The following TNNI3K variants were observed in gnomAD, a reference collection of about 807,000 sequenced individuals.
TNNI3K encodes serine/threonine-protein kinase TNNI3K.
Under a neutral mutation model 114.5 loss-of-function variants are expected in TNNI3K, and 140 were observed. The observed-to-expected ratio is 1.22, with a 90% CI of 1.07 to 1.41. TNNI3K has a LOEUF of 1.41. Ranked by LOEUF, TNNI3K falls within the 40% of genes most tolerant of loss-of-function variation. The pLI, the probability that TNNI3K is intolerant of heterozygous loss-of-function variation, is 0.00. For missense variants in TNNI3K, 1,125 were observed against 1,007.6 expected, an observed-to-expected ratio of 1.12 and a Z score of -1.58; for synonymous variants, 347 against 347.5, an observed-to-expected ratio of 1.00 and a Z score of 0.02.
chr1:74,331,099 AGGCAGAAG>A (rs1660175792), intron 5 of TNNI3K, among the ~76,000 whole-genome samples: 1 of 152,140 alleles, frequency 6.6e-6, no homozygotes, highest in African/African-American at 2.4e-5. Context: ...TGAATATATG[AGGCAGAAG>A]GACATTTCTG....
intron 9 of TNNI3K, among the ~76,000 whole-genome samples, chr1:74,345,073 A>G (rs985285136): frequency 6.6e-6 from 1 of 152,104 alleles, no homozygotes; most frequent in Non-Finnish European, 1.5e-5. Flanking sequence ...ATATGTGTGT[A>G]CACATGCACA....
At chr1:74,296,578 T>C (rs920002965) in intron 5 of TNNI3K, among the ~76,000 whole-genome samples, 9 of 152,172 alleles carry the variant, frequency 5.9e-5, no homozygotes, top group Non-Finnish European at 1.2e-4. Context: ...GAATTTCCTT[T>C]AACATGTTCT....
chr1:74,280,038 A>G (rs1656910483), intron 5 of TNNI3K, among the ~76,000 whole-genome samples: 1 of 30,548 alleles, frequency 3.3e-5, no homozygotes, highest in Non-Finnish European at 6.1e-5. Flanking sequence ...CACCTTCATA[A>G]TAACCAAAAA....
At chr1:74,362,704 C>T (rs1255068044) in intron 11 of TNNI3K, among the ~76,000 whole-genome samples, 1 of 151,940 alleles carries the variant, frequency 6.6e-6, no homozygotes, top group Admixed American at 6.6e-5. Context: ...TTAAACAAAA[C>T]CTAGGTTTTA....
At chr1:74,418,396 CTCAT>C (rs1487912351) in intron 17 of TNNI3K, 1 of 165,868 alleles carries the variant, frequency 6.0e-6, no homozygotes, top group Non-Finnish European at 1.3e-5. Context: ...ATTTAGACAG[CTCAT>C]TCTAATGCTT....
intron 5 of TNNI3K, among the ~76,000 whole-genome samples, chr1:74,287,109 A>C (rs1657377978): frequency 1.3e-5 from 2 of 151,714 alleles, no homozygotes; most frequent in African/African-American, 4.8e-5. Flanking sequence ...AGAAGAGAGA[A>C]TCAGCAAGAA....
intron 17 of TNNI3K, among the ~76,000 whole-genome samples, chr1:74,427,095 G>T (rs1294124030): frequency 1.3e-5 from 2 of 151,958 alleles, no homozygotes; most frequent in Admixed American, 1.3e-4. Context: ...CTGCTATGTA[G>T]ATTTTCATAT....
rs1019440111 is a variant in TNNI3K at position 74,390,804 on chromosome 1, T to A, written c.1772+20412T>A. Among the ~76,000 whole-genome samples, 13 of 152,216 alleles carry A rather than the reference T, an allele frequency of 8.5e-5. No individual in the cohort carries two copies. The East Asian group carries it at 2.5e-3, about 29-fold the overall frequency. On this transcript the variant is annotated intron_variant, in intron 17 of 24. Transcript: ENST00000326637. Reference sequence around the variant, plus strand: ...AGAGAGACTAATTTTGATTGTTGGTTATGAAAGCCTTCTCTGAGAGGGTGA... The same window carrying A: ...AGAGAGACTAATTTTGATTGTTGGTAATGAAAGCCTTCTCTGAGAGGGTGA...
intron 17 of TNNI3K, among the ~76,000 whole-genome samples, chr1:74,426,354 T>C (rs957103859): frequency 2.6e-5 from 4 of 152,114 alleles, no homozygotes; most frequent in South Asian, 2.1e-4. Flanking sequence ...GCAAAGCCTC[T>C]GCTCGTCAGA....
chr1:74,471,473 A>T, intron 21 of TNNI3K: 2 of 400,606 alleles, frequency 5.0e-6, no homozygotes, highest in East Asian at 7.1e-5. Flanking sequence ...TTTAATTTTA[A>T]GTTTTGTCCT....
intron 5 of TNNI3K, among the ~76,000 whole-genome samples, chr1:74,312,920 TC>T (rs34146644): frequency 3.3e-5 from 5 of 152,186 alleles, no homozygotes; most frequent in African/African-American, 1.2e-4. Context: ...ATCTTTGCCT[TC>T]CTTGTTTCAT....
chr1:74,417,682 T>TTGTGTG (rs10529693), intron 17 of TNNI3K, among the ~76,000 whole-genome samples: 15 of 137,124 alleles, frequency 1.1e-4, no homozygotes, highest in Non-Finnish European at 1.8e-4. Flanking sequence ...GTGTACGTGT[T>TTGTGTG]TGTGTGTGTG....
At chr1:74,484,554 A>G (rs906000482) in intron 21 of TNNI3K, among the ~76,000 whole-genome samples, 1 of 152,234 alleles carries the variant, frequency 6.6e-6, no homozygotes, top group Non-Finnish European at 1.5e-5. Context: ...GGCTCTAAAT[A>G]TGGCAAACAA....
At chr1:74,345,059 G>A (rs953783332) in intron 9 of TNNI3K, among the ~76,000 whole-genome samples, 2 of 151,890 alleles carry the variant, frequency 1.3e-5, no homozygotes, top group Non-Finnish European at 2.9e-5. Flanking sequence ...ATGTATGCAT[G>A]TATATATGTG....
intron 20 of TNNI3K, among the ~76,000 whole-genome samples, chr1:74,442,044 A>G (rs1666395476): frequency 6.6e-6 from 1 of 151,950 alleles, no homozygotes; most frequent in African/African-American, 2.4e-5. Flanking sequence ...AGCCATAAAA[A>G]CTTCCCCCTA....
intron 4 of TNNI3K, among the ~76,000 whole-genome samples, chr1:74,258,566 G>T (rs1456798178): frequency 1.3e-5 from 2 of 152,126 alleles, no homozygotes; most frequent in East Asian, 1.9e-4. Context: ...TATATAAGTT[G>T]TTCTGTCATG....
At chr1:74,267,470 A>G (rs1351635153) in intron 4 of TNNI3K, among the ~76,000 whole-genome samples, 1 of 151,958 alleles carries the variant, frequency 6.6e-6, no homozygotes, top group East Asian at 1.9e-4. Context: ...TACCTTCAAC[A>G]CTTACAAAGT....
chr1:74,252,608 G>A (rs914384445), intron 4 of TNNI3K, among the ~76,000 whole-genome samples: 1 of 152,084 alleles, frequency 6.6e-6, no homozygotes, highest in Non-Finnish European at 1.5e-5. Flanking sequence ...CTGATGTTTG[G>A]ATGTGTTTGG....
At chr1:74,275,930 T>G (rs1656657335) in intron 5 of TNNI3K, among the ~76,000 whole-genome samples, 3 of 152,122 alleles carry the variant, frequency 2.0e-5, no homozygotes, top group Admixed American at 2.0e-4. Flanking sequence ...AGAACCAATG[T>G]GATTTTTCCC....
Sources: gnomAD v4.1 joint callset for allele counts (sites outside exome capture counted in the v4.1 genomes callset) on GRCh38, gnomAD v4.1.1 for gene constraint, MANE v1.5 for transcripts, NCBI Gene and HGNC (gene_info 2026-07-23, HGNC 2026-07-21) for gene names.